Variants in CHID1 observed in about 807,000 individuals in gnomAD.
CHID1 encodes chitinase domain-containing protein 1.
In CHID1, 44 loss-of-function variants were observed where a neutral mutation model predicts 55.4. The observed-to-expected ratio is 0.79, with a 90% CI of 0.62 to 1.02. CHID1 has a LOEUF of 1.02. Ranked by LOEUF, CHID1 falls within the 50% of genes least tolerant of loss-of-function variation. The pLI, the probability that CHID1 is intolerant of heterozygous loss-of-function variation, is 0.00. For synonymous variants in CHID1, 216 were observed against 212.9 expected, an observed-to-expected ratio of 1.01 and a Z score of -0.13; for missense variants, 491 against 515.3, an observed-to-expected ratio of 0.95 and a Z score of 0.46.
chr11:870,562 C>G (rs1277958331), intron 10 of CHID1, 63 bp from the exon 11 acceptor site: 1 of 1,223,664 alleles, frequency 8.2e-7, no homozygotes, highest in Non-Finnish European at 1.2e-6. Context: ...CACCCTGTAC[C>G]CCCAAAGGCT....
At chr11:883,097 C>G (rs908112047) in intron 10 of CHID1, 51 bp downstream of exon 10, 2 of 1,573,624 alleles carry the variant, frequency 1.3e-6, no homozygotes, top group Non-Finnish European at 1.7e-6. Flanking sequence ...CACCCACACC[C>G]ACCCGCGCCC....
intron 9 of CHID1, among the ~76,000 whole-genome samples, chr11:883,754 G>C (rs528761684): frequency 1.3e-5 from 2 of 152,224 alleles, no homozygotes; most frequent in African/African-American, 4.8e-5. Context: ...TGTGTCACAC[G>C]GCCCTCCCAC....
In CHID1 at chr11:895,907, CGCAGCTCCCCACCTTCCT is replaced by C. The variant is rs1234650545; in HGVS notation, c.609-2406_609-2389del. Among the ~76,000 whole-genome samples the C allele has an allele frequency of 3.3e-5, 5 of 152,088 alleles. No individual in the cohort carries two copies. The South Asian group carries it at 6.2e-4, about 19-fold the overall frequency. On this transcript the variant is annotated intron_variant, in intron 7 of 12. Coordinates refer to ENST00000323578, the MANE Select transcript of CHID1 (RefSeq NM_023947.4). ...ACCTTCCTGCAGCTCCCCACCTTCC[CGCAGCTCCCCACCTTCCT>C]GCAGGAGCCTGGACACGAGGTGCTC...
chr11:895,911 G>C (rs1851237569), intron 7 of CHID1, among the ~76,000 whole-genome samples: 1 of 151,994 alleles, frequency 6.6e-6, no homozygotes, highest in African/African-American at 2.4e-5. Context: ...CCTTCCCGCA[G>C]CTCCCCACCT....
chr11:870,072 G>A (rs987080839), intron 12 of CHID1, 49 bp downstream of exon 12: 3 of 1,611,186 alleles, frequency 1.9e-6, no homozygotes, highest in African/African-American at 1.3e-5. Context: ...CTGCTGTGCT[G>A]TCGCATGGCC....
chr11:883,146 A>C lies in CHID1; in HGVS notation c.959+2T>G, dbSNP rs1589839791. On this transcript the variant is annotated splice_donor_variant, in intron 10 of 12. Coordinates refer to ENST00000323578, the MANE Select transcript of CHID1 (RefSeq NM_023947.4). LOFTEE classifies it high-confidence loss of function. ...GCACGGCAGGGAGAGCCCTTGGCTC[A>C]CCTGGCCCCGACAACAGGCTCACGG... The C allele has an allele frequency of 1.2e-6, 2 of 1,608,794 alleles. No homozygotes were observed. Among genetic ancestry groups the C allele is most frequent in the South Asian group, 1.1e-5 (1 of 90,990 alleles).
At chr11:904,391 G>A (rs926539212) in intron 2 of CHID1, among the ~76,000 whole-genome samples, 1 of 152,234 alleles carries the variant, frequency 6.6e-6, no homozygotes, top group Non-Finnish European at 1.5e-5. Context: ...AGATGAAGAT[G>A]CAGGTGATAT....
intron 8 of CHID1, among the ~76,000 whole-genome samples, chr11:887,410 G>A (rs1366328661): frequency 1.3e-5 from 2 of 152,130 alleles, no homozygotes; most frequent in Admixed American, 1.3e-4. Flanking sequence ...TCAGTGGTGT[G>A]GGCAGCATCG....
Position 888,716 on chromosome 11 carries a change from C to G in CHID1, c.702-4547G>C, listed in dbSNP as rs549590708. 2.7e-4 allele frequency among the ~76,000 whole-genome samples: 41 copies of G among 152,294 alleles called. 1 individual carries two copies. In the South Asian group the frequency reaches 7.9e-3, roughly 29 times the overall value. Reference sequence around the variant, plus strand: ...TCCCATCGCCATGTCGTGGGTGGGCCCCATGCAGGCAGCGGCATGCAAGTT... The same window carrying G: ...TCCCATCGCCATGTCGTGGGTGGGCGCCATGCAGGCAGCGGCATGCAAGTT... On this transcript the variant is annotated intron_variant, in intron 8 of 12. Transcript: ENST00000323578.
At chr11:884,474 G>T (rs1043967162) in intron 8 of CHID1, among the ~76,000 whole-genome samples, 81 of 152,284 alleles carry the variant, frequency 5.3e-4, no homozygotes, top group African/African-American at 1.9e-3. Flanking sequence ...AAGGTCAGTG[G>T]AGAGTGGCCA....
At chr11:884,238 C>T (rs1022985066) in intron 8 of CHID1, 69 bp from the exon 9 acceptor site, 14 of 1,243,690 alleles carry the variant, frequency 1.1e-5, no homozygotes, top group Middle Eastern at 2.3e-4. Flanking sequence ...AGCTGCGGTT[C>T]GAGCAAGCTG....
chr11:895,500 G>A (rs900858241), intron 7 of CHID1, among the ~76,000 whole-genome samples: 4 of 152,140 alleles, frequency 2.6e-5, no homozygotes, highest in Non-Finnish European at 5.9e-5. Flanking sequence ...CGCTCCTCAC[G>A]ACAGACCCCC....
chr11:870,323 T>C, intron 11 of CHID1, 96 bp downstream of exon 11: 2 of 1,341,614 alleles, frequency 1.5e-6, no homozygotes, highest in Middle Eastern at 1.8e-4. Flanking sequence ...CTCGTGACCC[T>C]GAGACCCCCT....
intron 10 of CHID1, among the ~76,000 whole-genome samples, chr11:878,167 A>C (rs1250223976): frequency 6.6e-6 from 1 of 152,212 alleles, no homozygotes; most frequent in Non-Finnish European, 1.5e-5. Context: ...TAATCCCAGC[A>C]CTTTGGGAAG....
chr11:868,088 A>C lies in CHID1; in HGVS notation c.*1770T>G, dbSNP rs1589806291. ...ACATCCCATCCTGTGTGGCATCCCC[A>C]CCCCTGCCTCCACCCAATGCTGATC... On this transcript the variant is annotated 3_prime_UTR_variant, in exon 13 of 13. Transcript: ENST00000323578. The C allele has an allele frequency of 6.9e-6, 1 of 143,906 alleles. No homozygotes were observed. The highest frequency in any genetic ancestry group is 2.6e-5 in the African/African-American group (1 of 38,080). The allele number at this position is 143,906 out of a possible 1,614,324, so 8.9% of individuals were successfully genotyped here. A position where few individuals can be genotyped will look rare whatever the true frequency, so the allele number is the denominator to read the frequency against.
At position 875,503 on chromosome 11, in the gene CHID1, C is replaced by T. The variant is rs974763439; in HGVS notation, c.960-5004G>A. On this transcript the variant is annotated intron_variant, in intron 10 of 12. Transcript: ENST00000323578. The surrounding 1 kb of genome is among the most constrained non-coding windows in gnomAD (Gnocchi z 4.7). ...CACAAGCTGTAGACACTGAGGGCCC[C>T]GGGTGTGGAGAAGACCTGGCTCCTC... Among the ~76,000 whole-genome samples the T allele has an allele frequency of 3.3e-5, 5 of 152,162 alleles. No individual in the cohort carries two copies. Among genetic ancestry groups the T allele is most frequent in the Non-Finnish European group, 4.4e-5 (3 of 68,040 alleles).
At chr11:914,630 G>A (rs1852851338), upstream of CHID1, 2 of 1,194,658 alleles carry the variant, frequency 1.7e-6, no homozygotes, top group Non-Finnish European at 1.1e-6. Context: ...CACTTCGGGA[G>A]GCTGATCACT....
intron 10 of CHID1, among the ~76,000 whole-genome samples, chr11:881,863 G>C (rs901306866): frequency 6.6e-6 from 1 of 151,934 alleles, no homozygotes; most frequent in South Asian, 2.1e-4. Flanking sequence ...AATTAGCGGG[G>C]CATGGTGGCA....
At chr11:894,748 T>C (rs566807224) in intron 7 of CHID1, among the ~76,000 whole-genome samples, 1 of 152,172 alleles carries the variant, frequency 6.6e-6, no homozygotes, top group Admixed American at 6.5e-5. Flanking sequence ...CCGGGTTAGG[T>C]CAGGACGAGG....
Sources: allele counts gnomAD v4.1 joint callset (sites outside exome capture counted in the v4.1 genomes callset), GRCh38; gene constraint gnomAD v4.1.1; non-coding constraint Gnocchi (gnomAD v3.1); transcripts MANE v1.5; gene names NCBI Gene and HGNC (gene_info 2026-07-23, HGNC 2026-07-21).